The following BACH2 variants were observed in gnomAD, a reference collection of about 807,000 sequenced individuals.
The protein encoded by BACH2 is BACH transcriptional regulator 2, also known as transcription regulator protein BACH2.
A neutral mutation model predicts 61.8 loss-of-function variants in BACH2; 5 were observed. That is an observed-to-expected ratio of 0.08 (90% CI 0.04 to 0.17). The LOEUF (loss-of-function observed/expected upper bound fraction) is 0.17. BACH2 is among the 10% of genes least tolerant of loss of function. BACH2 has a pLI of 1.00. For missense variants in BACH2, 824 were observed against 1,091.1 expected, an observed-to-expected ratio of 0.76 and a Z score of 3.45; for synonymous variants, 446 against 440.1, an observed-to-expected ratio of 1.01 and a Z score of -0.17.
At chr6:90,139,349 C>T (rs1320864059) in intron 4 of BACH2, among the ~76,000 whole-genome samples, 1 of 152,184 alleles carries the variant, frequency 6.6e-6, no homozygotes, top group Admixed American at 6.5e-5. Context: ...AAGAGCCAGA[C>T]AGACCTAACA....
intron 5 of BACH2, among the ~76,000 whole-genome samples, chr6:90,023,130 C>G (rs1479134672): frequency 6.6e-6 from 1 of 152,182 alleles, no homozygotes; most frequent in Non-Finnish European, 1.5e-5. Flanking sequence ...AACATACAAT[C>G]TGGTTTCATG....
At chr6:90,196,037 G>A (rs933595382) in intron 4 of BACH2, among the ~76,000 whole-genome samples, 3 of 152,034 alleles carry the variant, frequency 2.0e-5, no homozygotes, top group African/African-American at 7.3e-5. Flanking sequence ...ATAAAGAAAC[G>A]GAGTTTTGAC....
chr6:90,275,968 TA>T (rs57698514), intron 1 of BACH2, among the ~76,000 whole-genome samples: 38,499 of 143,890 alleles, frequency 0.27, 5,569 homozygotes, highest in Non-Finnish European at 0.35. Flanking sequence ...GATTTCGTCT[TA>T]AAAAAAAAAA....
intron 2 of BACH2, among the ~76,000 whole-genome samples, chr6:90,267,832 A>G (rs1044831348): frequency 1.3e-5 from 2 of 152,144 alleles, no homozygotes; most frequent in Admixed American, 1.3e-4. Context: ...ATGTAAAGGT[A>G]TATGTTTGTA....
At chr6:90,209,194 A>T (rs1284554797) in intron 3 of BACH2, among the ~76,000 whole-genome samples, 7 of 152,170 alleles carry the variant, frequency 4.6e-5, no homozygotes, top group African/African-American at 1.2e-4. Context: ...CCAGAACTTA[A>T]AGTATAATAA....
intron 1 of BACH2, among the ~76,000 whole-genome samples, chr6:90,293,635 A>T (rs543131043): frequency 1.3e-5 from 2 of 152,246 alleles, no homozygotes; most frequent in South Asian, 4.1e-4. Flanking sequence ...TTTGATCACA[A>T]AATGAATTGC....
At chr6:89,933,999 A>G (rs894420125) in intron 8 of BACH2, among the ~76,000 whole-genome samples, 1 of 151,580 alleles carries the variant, frequency 6.6e-6, no homozygotes, top group Non-Finnish European at 1.5e-5. Flanking sequence ...ACCAAAAAAA[A>G]GTTTATTAAA....
intron 4 of BACH2, among the ~76,000 whole-genome samples, chr6:90,181,950 T>C (rs936327438): frequency 1.3e-5 from 2 of 152,186 alleles, no homozygotes; most frequent in Non-Finnish European, 2.9e-5. Flanking sequence ...AGGATGGTTA[T>C]GGATTCACAG....
intron 1 of BACH2, among the ~76,000 whole-genome samples, chr6:90,282,761 C>T (rs1288494824): frequency 2.6e-5 from 4 of 152,000 alleles, no homozygotes; most frequent in Admixed American, 2.6e-4. Context: ...ACACTCCCAC[C>T]GAGAGTGTGT....
chr6:90,069,715 TTG>T (rs1781133451), intron 5 of BACH2, among the ~76,000 whole-genome samples: 1 of 152,234 alleles, frequency 6.6e-6, no homozygotes, highest in South Asian at 2.1e-4. Flanking sequence ...ATTCTAAACT[TTG>T]TATTCATTAG....
chr6:89,996,840 C>T (rs570410981), intron 6 of BACH2, among the ~76,000 whole-genome samples: 33 of 152,302 alleles, frequency 2.2e-4, no homozygotes, highest in African/African-American at 7.7e-4. Context: ...GATTCTTCAA[C>T]TGTATTGTGG....
intron 4 of BACH2, among the ~76,000 whole-genome samples, chr6:90,097,533 C>T (rs372772601): frequency 7.2e-5 from 11 of 152,270 alleles, no homozygotes; most frequent in South Asian, 2.1e-4. Flanking sequence ...CTTTGCCCTA[C>T]GACTTACATA....
At chr6:90,281,736 T>C (rs1771864935) in intron 1 of BACH2, among the ~76,000 whole-genome samples, 1 of 152,228 alleles carries the variant, frequency 6.6e-6, no homozygotes, top group Non-Finnish European at 1.5e-5. Flanking sequence ...GATGCACTTT[T>C]ATTTGTTTAA....
At chr6:90,120,866 T>G (rs1340572250) in intron 4 of BACH2, among the ~76,000 whole-genome samples, 1 of 152,116 alleles carries the variant, frequency 6.6e-6, no homozygotes, top group Non-Finnish European at 1.5e-5. Flanking sequence ...ATACTTGCTT[T>G]GTAATTACAG....
At chr6:90,250,257 T>A (rs1446675186) in intron 3 of BACH2, among the ~76,000 whole-genome samples, 2 of 149,600 alleles carry the variant, frequency 1.3e-5, no homozygotes, top group Non-Finnish European at 3.0e-5. Flanking sequence ...TAACATATCC[T>A]CTTTCCTTTT....
At chr6:90,103,632 G>A (rs545842998) in intron 4 of BACH2, among the ~76,000 whole-genome samples, 1 of 152,192 alleles carries the variant, frequency 6.6e-6, no homozygotes, top group African/African-American at 2.4e-5. Context: ...TGACTGCTCT[G>A]GGTGATGCTT....
intron 4 of BACH2, among the ~76,000 whole-genome samples, chr6:90,143,734 C>T (rs1446363553): frequency 1.3e-5 from 2 of 152,038 alleles, no homozygotes; most frequent in South Asian, 2.1e-4. Flanking sequence ...AACGTCAGCT[C>T]CTTGAATAAG....
At chr6:89,947,485 G>C (rs890619508) in intron 7 of BACH2, among the ~76,000 whole-genome samples, 1 of 152,032 alleles carries the variant, frequency 6.6e-6, no homozygotes, top group African/African-American at 2.4e-5. Flanking sequence ...CCACTGAGAG[G>C]GGCTATGTTT....
chr6:90,120,348 T>C (rs1300328879), intron 4 of BACH2, among the ~76,000 whole-genome samples: 2 of 152,212 alleles, frequency 1.3e-5, no homozygotes, highest in African/African-American at 2.4e-5. Flanking sequence ...TACCAAACTC[T>C]GTGGGCATTT....
Sources: gnomAD v4.1 joint callset for allele counts (sites outside exome capture counted in the v4.1 genomes callset) on GRCh38, gnomAD v4.1.1 for gene constraint, MANE v1.5 for transcripts, NCBI Gene and HGNC (gene_info 2026-07-23, HGNC 2026-07-21) for gene names.